Variants in SYTL2 observed in about 807,000 individuals in gnomAD.
SYTL2 encodes the protein synaptotagmin-like protein 2.
A neutral mutation model predicts 198.7 loss-of-function variants in SYTL2; 165 were observed. The observed-to-expected ratio is 0.83, with a 90% CI of 0.73 to 0.94. The LOEUF (loss-of-function observed/expected upper bound fraction) is 0.94. Ranked by LOEUF, SYTL2 falls within the 40% of genes least tolerant of loss-of-function variation. The probability of loss-of-function intolerance (pLI) is 0.00; values close to 1 mark genes in which losing one functional copy is unlikely to be tolerated. For missense variants in SYTL2, 2,835 were observed against 2,582.8 expected, an observed-to-expected ratio of 1.10 and a Z score of -2.12; for synonymous variants, 966 against 917.7, an observed-to-expected ratio of 1.05 and a Z score of -0.95.
chr11:85,718,776 A>C lies in SYTL2; in HGVS notation c.5482+14T>G, dbSNP rs1198015355. On this transcript the variant is annotated intron_variant, in intron 10 of 19. Coordinates refer to ENST00000359152, the MANE Select transcript of SYTL2 (RefSeq NM_206927.4). ...AATACAAAGACAGACACGCAAATACATAAAGATATTTACCATCTTCAGCAC... is the reference window on the plus strand; with the variant it reads ...AATACAAAGACAGACACGCAAATACCTAAAGATATTTACCATCTTCAGCAC... 6.2e-6 allele frequency: 10 copies of C among 1,611,538 alleles called. No individual in the cohort carries two copies. Among genetic ancestry groups the C allele is most frequent in the Non-Finnish European group, 7.6e-6 (9 of 1,178,052 alleles).
chr11:85,782,078 C>T (rs894101879), intron 1 of SYTL2, among the ~76,000 whole-genome samples: 14 of 152,214 alleles, frequency 9.2e-5, no homozygotes, highest in African/African-American at 3.4e-4. Flanking sequence ...AGAGGTTCTC[C>T]ATGAGAGTCC....
the SYTL2 span, among the ~76,000 whole-genome samples, chr11:85,839,277 T>C: frequency 6.6e-6 from 1 of 152,212 alleles, no homozygotes; most frequent in Non-Finnish European, 1.5e-5. Context: ...CAAGTCTTAT[T>C]CACTCTTTCT....
chr11:85,801,003 A>C (rs2092878937), intron 1 of SYTL2, among the ~76,000 whole-genome samples: 1 of 152,208 alleles, frequency 6.6e-6, no homozygotes, highest in Non-Finnish European at 1.5e-5. Flanking sequence ...AAACATAAAC[A>C]CAGGGCTAGA....
At chr11:85,848,666 T>A in the SYTL2 span, among the ~76,000 whole-genome samples, 1 of 152,246 alleles carries the variant, frequency 6.6e-6, no homozygotes, top group Non-Finnish European at 1.5e-5. Flanking sequence ...TTTGTCCTTT[T>A]GTGTTCATAT....
intron 4 of SYTL2, among the ~76,000 whole-genome samples, 173 bp downstream of exon 4, chr11:85,745,464 G>C (rs1174617019): frequency 6.6e-6 from 1 of 152,136 alleles, no homozygotes; most frequent in African/African-American, 2.4e-5. Context: ...CTGAGAAAGA[G>C]TACCACTTGG....
intron 2 of SYTL2, among the ~76,000 whole-genome samples, chr11:85,751,265 T>C (rs2091492933): frequency 2.0e-5 from 3 of 152,222 alleles, no homozygotes; most frequent in Admixed American, 2.0e-4. Flanking sequence ...CTTGTACTAT[T>C]TCGTAGATAA....
At position 85,726,157 on chromosome 11, in the gene SYTL2, G is replaced by T. The variant is rs764306150; in HGVS notation, c.3201C>A (p.Ile1067=). The T allele has an allele frequency of 1.2e-6, 2 of 1,613,980 alleles. No homozygotes were observed. Among genetic ancestry groups the T allele is most frequent in the Non-Finnish European group, 1.7e-6 (2 of 1,179,974 alleles). The change falls in exon 8 of 20, where the codon ATC becomes ATA. Residue 1067 remains isoleucine (I), a synonymous_variant. Transcript: ENST00000359152. ...KGILQVLPDE[I]TFPLSPLRKY... is the part of the protein sequence containing the mutation. ...TTCTAAGTGGACTCAAAGGAAATGT[G>T]ATTTCATCTGGTAGCACCTGGAGTA... is the stretch of plus-strand genomic sequence containing the variant.
At chr11:85,752,917 TAAAAAAAAAAAAAAA>T (rs1162431708) in intron 2 of SYTL2, among the ~76,000 whole-genome samples, 1,483 of 17,846 alleles carry the variant, frequency 0.083, 67 homozygotes, top group African/African-American at 0.18. Context: ...CTGCCTTCAT[TAAAAAAAAAAAAAAA>T]AAAAAAAAAA....
intron 1 of SYTL2, among the ~76,000 whole-genome samples, chr11:85,792,191 T>C (rs2092740447): frequency 6.6e-6 from 1 of 152,006 alleles, no homozygotes; most frequent in Admixed American, 6.6e-5. Flanking sequence ...CATGACTTAC[T>C]TGGGAAACCA....
chr11:85,827,014 G>T, the SYTL2 span, among the ~76,000 whole-genome samples: 1 of 152,194 alleles, frequency 6.6e-6, no homozygotes, highest in African/African-American at 2.4e-5. Context: ...TAAGCCGAAG[G>T]ACCCAGTAAC....
At chr11:85,768,925 C>A (rs1397509636) in intron 1 of SYTL2, among the ~76,000 whole-genome samples, 1 of 152,082 alleles carries the variant, frequency 6.6e-6, no homozygotes, top group Non-Finnish European at 1.5e-5. Context: ...CAGTAACAGC[C>A]CTCCTCTAGC....
At position 85,698,034 on chromosome 11, in the gene SYTL2, C is replaced by T. The variant is rs1394741448; in HGVS notation, c.6313G>A (p.Glu2105Lys). Residue 2105 changes from glutamate to lysine, a missense_variant, in exon 18 of 20, where the codon GAA becomes AAA. By Grantham distance (56) the Glu-to-Lys change is moderately conservative. Around this residue, in one of 3 missense-constraint regions of SYTL2, gnomAD observed 185 missense variants for 182.1 expected, o/e 1.02. Coordinates refer to ENST00000359152, the MANE Select transcript of SYTL2 (RefSeq NM_206927.4). Reference protein sequence around the residue: ...TTGEVHIWVKECLDLPLLRGS... With the variant: ...TTGEVHIWVKKCLDLPLLRGS... Reference sequence around the variant, plus strand: ...CTTAGCAGTGGTAGATCAAGGCATTCCTTCACCCAGATGTGCACTTCTCCA... The same window carrying T: ...CTTAGCAGTGGTAGATCAAGGCATTTCTTCACCCAGATGTGCACTTCTCCA... 3.7e-6 allele frequency: 6 copies of T among 1,613,822 alleles called. No homozygotes were observed. The highest frequency in any genetic ancestry group is 5.1e-6 in the Non-Finnish European group (6 of 1,179,884).
Position 85,757,818 on chromosome 11 carries a change from C to A in SYTL2, c.-93G>T. On this transcript the variant is annotated 5_prime_UTR_variant, in exon 2 of 20. Coordinates refer to ENST00000359152, the MANE Select transcript of SYTL2 (RefSeq NM_206927.4). ...GACTGCAACCAGGAAGATTAAAACA[C>A]ACAAAAATGAAATATCTTGTTCAGT... 6.4e-7 allele frequency: 1 copy of A among 1,555,756 alleles called. No homozygotes were observed. Among genetic ancestry groups the A allele is most frequent in the Admixed American group, 1.7e-5 (1 of 57,418 alleles).
At chr11:85,803,687 C>G (rs188895662) in intron 1 of SYTL2, among the ~76,000 whole-genome samples, 23 of 152,308 alleles carry the variant, frequency 1.5e-4, no homozygotes, top group Admixed American at 7.8e-4. Context: ...AGAACTCCCC[C>G]CAAAGAGGCA....
chr11:85,850,365 G>C, the SYTL2 span, among the ~76,000 whole-genome samples: 1 of 152,100 alleles, frequency 6.6e-6, no homozygotes, highest in African/African-American at 2.4e-5. Context: ...AGCGGGCAAA[G>C]GACATCAACA....
chr11:85,846,820 G>A, the SYTL2 span, among the ~76,000 whole-genome samples: 24 of 143,528 alleles, frequency 1.7e-4, no homozygotes, highest in Middle Eastern at 4.4e-3. Context: ...TGCAACCTCC[G>A]CCTCTCGGGT....
At chr11:85,760,109 GCTT>G (rs1352064369) in intron 1 of SYTL2, among the ~76,000 whole-genome samples, 1 of 152,166 alleles carries the variant, frequency 6.6e-6, no homozygotes, top group Non-Finnish European at 1.5e-5. Context: ...GTTTGATCTG[GCTT>G]CTTGTATTCC....
At chr11:85,747,850 G>A (rs1021847351) in intron 3 of SYTL2, among the ~76,000 whole-genome samples, 1 of 152,066 alleles carries the variant, frequency 6.6e-6, no homozygotes, top group African/African-American at 2.4e-5. Context: ...TGTCTTTACG[G>A]TCTCTTAAAT....
chr11:85,724,582 G>C lies in SYTL2; in HGVS notation c.4776C>G (p.His1592Gln). The C allele has an allele frequency of 1.9e-6, 3 of 1,613,092 alleles. No individual in the cohort carries two copies. Among genetic ancestry groups the C allele is most frequent in the Non-Finnish European group, 2.5e-6 (3 of 1,179,716 alleles). The change falls in exon 8 of 20, where the codon CAC becomes CAG. Residue 1592 changes from histidine (H) to glutamine (Q), a missense_variant. Physicochemically the swap from His to Gln is conservative, Grantham distance 24. Coordinates refer to ENST00000359152, the MANE Select transcript of SYTL2 (RefSeq NM_206927.4). ...QPQVSVREET[H>Q]EKESSQSEQT... ...GCTCTGACTGTGAGGACTCCTTCTC[G>C]TGAGTTTCTTCTCTCACTGACACCT...
Sources: gnomAD v4.1 joint callset for allele counts (sites outside exome capture counted in the v4.1 genomes callset) on GRCh38, gnomAD v4.1.1 for gene constraint, gnomAD v4.1.1 regional missense constraint, MANE v1.5 for transcripts, NCBI Gene and HGNC (gene_info 2026-07-23, HGNC 2026-07-21) for gene names.